The following XKR9 variants were observed in gnomAD, a reference collection of about 807,000 sequenced individuals.
The protein encoded by XKR9 is XK-related protein 9.
Under a neutral mutation model 32.0 loss-of-function variants are expected in XKR9, and 32 were observed. That is an observed-to-expected ratio of 1.00 (90% CI 0.76 to 1.34). XKR9 has a LOEUF of 1.34. XKR9 is among the 40% of genes most tolerant of loss of function. XKR9 has a pLI of 0.00. For synonymous variants in XKR9, 168 were observed against 143.4 expected (o/e 1.17, Z -1.22); for missense variants, 546 against 429.7 (o/e 1.27, Z -2.39).
chr8:70,684,942 C>T (rs2132118735), intron 3 of XKR9, among the ~76,000 whole-genome samples: 1 of 147,128 alleles, frequency 6.8e-6, no homozygotes. Flanking sequence ...TGTGGCGATT[C>T]CTCAGGGATC....
chr8:70,734,044 A>G lies in XKR9; in HGVS notation c.742A>G (p.Lys248Glu). The G allele has an allele frequency of 6.2e-7, 1 of 1,613,420 alleles. No individual in the cohort carries two copies. The highest frequency in any genetic ancestry group is 1.1e-5 in the South Asian group (1 of 90,952). The change falls in exon 5 of 5, where the codon AAA becomes GAA. Residue 248 changes from lysine (K) to glutamate (E), a missense_variant. Coordinates refer to ENST00000408926, the MANE Select transcript of XKR9 (RefSeq NM_001011720.2). ...LWLLGIIWAF[K>E]NNTQFCTCIS... ...GTTGTTAGGTATAATATGGGCATTT[A>G]AAAACAACACCCAGTTTTGTACTTG...
the XKR9 span, among the ~76,000 whole-genome samples, chr8:70,890,597 T>A: frequency 6.6e-6 from 1 of 151,980 alleles, no homozygotes; most frequent in South Asian, 2.1e-4. Flanking sequence ...TGATAGGAAG[T>A]ACCATGTTTA....
chr8:70,805,392 G>T, the XKR9 span, among the ~76,000 whole-genome samples: 1 of 152,158 alleles, frequency 6.6e-6, no homozygotes, highest in Non-Finnish European at 1.5e-5. Context: ...CCGAGCTCCC[G>T]GGGGGAGGGG....
At chr8:71,024,204 C>T in the XKR9 span, among the ~76,000 whole-genome samples, 1 of 152,152 alleles carries the variant, frequency 6.6e-6, no homozygotes, top group Non-Finnish European at 1.5e-5. Flanking sequence ...CACTGCAGTT[C>T]AGCTGCTGGT....
the XKR9 span, among the ~76,000 whole-genome samples, chr8:70,904,276 CT>C: frequency 6.6e-6 from 1 of 152,128 alleles, no homozygotes; most frequent in South Asian, 2.1e-4. Flanking sequence ...TTTCTAAGGG[CT>C]TGCTTTATGA....
chr8:70,758,443 A>G (rs1586886483), intron 2 of XKR9, among the ~76,000 whole-genome samples: 1 of 152,186 alleles, frequency 6.6e-6, no homozygotes, highest in Non-Finnish European at 1.5e-5. Flanking sequence ...TCAATGTATA[A>G]TATTTGTTTT....
At chr8:70,710,545 A>G (rs1332835354) in intron 4 of XKR9, among the ~76,000 whole-genome samples, 2 of 152,066 alleles carry the variant, frequency 1.3e-5, no homozygotes, top group Non-Finnish European at 2.9e-5. Flanking sequence ...TAGTAAACAT[A>G]GAGAACAATT....
intron 3 of XKR9, among the ~76,000 whole-genome samples, chr8:70,688,733 A>G (rs1479608705): frequency 5.3e-5 from 8 of 150,684 alleles, no homozygotes; most frequent in African/African-American, 1.9e-4. Context: ...TTTTTTTGAA[A>G]TTGATTGGAA....
the XKR9 span, among the ~76,000 whole-genome samples, chr8:70,910,510 G>A: frequency 6.6e-6 from 1 of 152,086 alleles, no homozygotes; most frequent in African/African-American, 2.4e-5. Flanking sequence ...TTTTTACTTA[G>A]TTTTCAAGCC....
At chr8:71,022,226 G>T in the XKR9 span, among the ~76,000 whole-genome samples, 1 of 152,092 alleles carries the variant, frequency 6.6e-6, no homozygotes, top group South Asian at 2.1e-4. Flanking sequence ...ATGCTGTTTT[G>T]GTTATTGTAG....
At chr8:71,030,779 A>G in the XKR9 span, among the ~76,000 whole-genome samples, 8,483 of 152,248 alleles carry the variant, frequency 0.056, 999 homozygotes, top group East Asian at 0.35. Context: ...AAGGGTTTGA[A>G]TTCTAAACTC....
At chr8:70,757,876 C>T (rs546731214) in intron 2 of XKR9, among the ~76,000 whole-genome samples, 7 of 152,262 alleles carry the variant, frequency 4.6e-5, no homozygotes, top group Admixed American at 1.3e-4. Flanking sequence ...CGTGAGCCAC[C>T]GTGCCTGGCT....
At chr8:70,968,048 T>C in the XKR9 span, among the ~76,000 whole-genome samples, 1 of 152,202 alleles carries the variant, frequency 6.6e-6, no homozygotes, top group African/African-American at 2.4e-5. Context: ...TTGGTTCCAT[T>C]CTCCCCATCT....
At chr8:70,714,505 TAATTC>T (rs1806025909) in intron 4 of XKR9, among the ~76,000 whole-genome samples, 1 of 152,158 alleles carries the variant, frequency 6.6e-6, no homozygotes, top group East Asian at 1.9e-4. Flanking sequence ...ATAGAAAAAA[TAATTC>T]AATCTTTTCT....
chr8:70,894,997 G>A, the XKR9 span, among the ~76,000 whole-genome samples: 1 of 152,098 alleles, frequency 6.6e-6, no homozygotes, highest in Non-Finnish European at 1.5e-5. Context: ...CAGGCCACAG[G>A]GGTTGGGGTA....
the XKR9 span, among the ~76,000 whole-genome samples, chr8:71,015,206 G>A: frequency 3.3e-5 from 5 of 152,100 alleles, no homozygotes; most frequent in African/African-American, 1.2e-4. Context: ...AACTAATTTT[G>A]AGTTAGCAGA....
At chr8:70,800,175 A>G in the XKR9 span, among the ~76,000 whole-genome samples, 1 of 152,166 alleles carries the variant, frequency 6.6e-6, no homozygotes. Context: ...ATTGATTTAC[A>G]TATGTTGAAC....
the XKR9 span, among the ~76,000 whole-genome samples, chr8:70,979,511 C>G: frequency 6.6e-6 from 1 of 152,174 alleles, no homozygotes; most frequent in African/African-American, 2.4e-5. Flanking sequence ...CTGCAGGTAT[C>G]TTGGAGTTTG....
chr8:71,042,802 C>T, the XKR9 span, among the ~76,000 whole-genome samples: 7 of 152,186 alleles, frequency 4.6e-5, no homozygotes, highest in South Asian at 6.2e-4. Context: ...CAAGGTCCTT[C>T]GTTACATGAG....
Sources: allele counts gnomAD v4.1 joint callset (sites outside exome capture counted in the v4.1 genomes callset), GRCh38; gene constraint gnomAD v4.1.1; transcripts MANE v1.5; gene names NCBI Gene and HGNC (gene_info 2026-07-23, HGNC 2026-07-21).